The following FRMD6 variants were observed in gnomAD, a reference collection of about 807,000 sequenced individuals.
FRMD6 encodes the protein FERM domain-containing protein 6.
Under a neutral mutation model 73.2 loss-of-function variants are expected in FRMD6, and 37 were observed. That is an observed-to-expected ratio of 0.51 (90% CI 0.39 to 0.66). FRMD6 has a LOEUF of 0.66. Among genes scored for constraint, FRMD6 ranks in the 30% least tolerant of loss-of-function variants. The pLI is 0.00. For missense variants in FRMD6, 714 were observed against 780.5 expected, an observed-to-expected ratio of 0.91 and a Z score of 1.02; for synonymous variants, 273 against 282.2, an observed-to-expected ratio of 0.97 and a Z score of 0.33.
chr14:51,605,158 T>A (rs933256237), intron 2 of FRMD6, among the ~76,000 whole-genome samples: 17 of 134,094 alleles, frequency 1.3e-4, no homozygotes, highest in African/African-American at 3.4e-4. Flanking sequence ...TTTTTTTTTT[T>A]ATTGATCATT....
intron 2 of FRMD6, among the ~76,000 whole-genome samples, chr14:51,638,598 G>T (rs531100712): frequency 6.6e-6 from 1 of 152,302 alleles, no homozygotes; most frequent in Admixed American, 6.5e-5. Context: ...CTCCCCATTT[G>T]TGACCCAGAT....
At chr14:51,545,040 G>C (rs1886394444) in intron 1 of FRMD6, among the ~76,000 whole-genome samples, 1 of 152,050 alleles carries the variant, frequency 6.6e-6, no homozygotes, top group African/African-American at 2.4e-5. Flanking sequence ...ATTAGGAAGG[G>C]TTTGGGGCTG....
chr14:51,547,812 T>C (rs1408334845), intron 1 of FRMD6: 2 of 151,656 alleles, frequency 1.3e-5, no homozygotes, highest in African/African-American at 4.9e-5. Flanking sequence ...AGGAGACACA[T>C]CTGTAAGTAT....
At chr14:51,453,088 G>T in the FRMD6 span, among the ~76,000 whole-genome samples, 1 of 152,030 alleles carries the variant, frequency 6.6e-6, no homozygotes, top group African/African-American at 2.4e-5. Context: ...GTAAAGTTAA[G>T]GGGCAGTAAT....
chr14:51,585,939 G>GTGTGTGTGTATATATATATA lies in FRMD6; in HGVS notation c.-147+15530_-147+15531insGTGTGTGTATATATATATAT. ...TGCCATGGCATGTGTGTGTGTGTGTGTATATATATATATATATATATAACA... is the reference window on the plus strand; with the variant it reads ...TGCCATGGCATGTGTGTGTGTGTGTGTGTGTGTGTATATATATATATATATATATATATATATATATAACA... On this transcript the variant is annotated intron_variant, in intron 2 of 14. Transcript: ENST00000356218. Among the ~76,000 whole-genome samples the GTGTGTGTGTATATATATATA allele has an allele frequency of 3.3e-3, 103 of 31,400 alleles. 3 individuals carry two copies. The highest frequency in any genetic ancestry group is 6.7e-3 in the African/African-American group (98 of 14,620). The allele number at this position is 31,400 out of a possible 152,430, so 20.6% of individuals were successfully genotyped here.
At chr14:51,516,529 T>C (rs911331454) in intron 1 of FRMD6, among the ~76,000 whole-genome samples, 1 of 152,194 alleles carries the variant, frequency 6.6e-6, no homozygotes, top group Non-Finnish European at 1.5e-5. Flanking sequence ...TGCACATGTG[T>C]GTATCTTTCA....
rs1421576237 is a variant in FRMD6 at position 51,704,945 on chromosome 14, G to A, written c.558+10G>A. On this transcript the variant is annotated intron_variant, in intron 6 of 13. Coordinates refer to ENST00000344768, the MANE Select transcript of FRMD6 (RefSeq NM_001267046.2). ...TTACTTCCCATCTTGGGTAAGCACT[G>A]TTTTCAAATTCGAAAGAGTGTTTTC... 6.3e-7 allele frequency: 1 copy of A among 1,589,568 alleles called. No individual in the cohort carries two copies. Among genetic ancestry groups the A allele is most frequent in the East Asian group, 2.3e-5 (1 of 44,302 alleles).
At chr14:51,604,072 T>C (rs1890148146) in intron 2 of FRMD6, among the ~76,000 whole-genome samples, 1 of 152,102 alleles carries the variant, frequency 6.6e-6, no homozygotes, top group Admixed American at 6.6e-5. Context: ...AATGGAGCAG[T>C]TCAGAAGAGC....
intron 2 of FRMD6, among the ~76,000 whole-genome samples, chr14:51,695,677 C>T (rs555773335): frequency 6.6e-6 from 1 of 152,276 alleles, no homozygotes; most frequent in East Asian, 1.9e-4. Flanking sequence ...TACTGAGTGC[C>T]TACTATAGAT....
Position 51,490,176 on chromosome 14 carries a change from A to T in FRMD6, c.-210+756A>T, listed in dbSNP as rs113817113. ...TGTGATAGAAGGAAGTGATAAAGGG[A>T]ATATGGAGAAGAACAAAGTGGAGTT... is the stretch of plus-strand genomic sequence containing the variant. On this transcript the variant is annotated intron_variant, in intron 1 of 14. Transcript: ENST00000356218. Among the ~76,000 whole-genome samples, 116 of 152,322 alleles carry T rather than the reference A, an allele frequency of 7.6e-4. 1 individual carries two copies. The highest frequency in any genetic ancestry group is 4.3e-3 in the South Asian group (21 of 4,830).
chr14:51,547,580 T>C (rs1270202444), intron 1 of FRMD6: 3 of 152,202 alleles, frequency 2.0e-5, no homozygotes, highest in African/African-American at 7.2e-5. Flanking sequence ...GTGATGTATA[T>C]TGAGAGCCCT....
At chr14:51,416,633 A>G in the FRMD6 span, among the ~76,000 whole-genome samples, 1 of 152,132 alleles carries the variant, frequency 6.6e-6, no homozygotes, top group Non-Finnish European at 1.5e-5. Context: ...TATTCTGTTG[A>G]TTTGGGGTGG....
At chr14:51,462,949 T>C in the FRMD6 span, among the ~76,000 whole-genome samples, 2 of 152,340 alleles carry the variant, frequency 1.3e-5, no homozygotes, top group East Asian at 3.9e-4. Flanking sequence ...GGTGGCTTCA[T>C]TTCCTTGTCT....
intron 1 of FRMD6, among the ~76,000 whole-genome samples, chr14:51,512,877 C>A (rs1334649888): frequency 6.6e-6 from 1 of 152,168 alleles, no homozygotes; most frequent in African/African-American, 2.4e-5. Context: ...CCTGGATGTA[C>A]TGGCCATGGC....
At chr14:51,586,055 G>T (rs1889034129) in intron 2 of FRMD6, among the ~76,000 whole-genome samples, 1 of 149,838 alleles carries the variant, frequency 6.7e-6, no homozygotes, top group Non-Finnish European at 1.5e-5. Context: ...TACAATGCAG[G>T]TGTCTTTTTG....
the FRMD6 span, among the ~76,000 whole-genome samples, chr14:51,412,517 G>C: frequency 1.2e-4 from 19 of 152,256 alleles, no homozygotes; most frequent in Middle Eastern, 3.4e-3. Context: ...AGTCATTCAT[G>C]CTTTTGTCTG....
At chr14:51,590,094 G>A (rs1462495031) in intron 2 of FRMD6, among the ~76,000 whole-genome samples, 10 of 149,706 alleles carry the variant, frequency 6.7e-5, no homozygotes, top group Admixed American at 6.0e-4. Context: ...AATCAGGTAA[G>A]TGAGAATTTT....
chr14:51,674,689 G>C (rs1894260520), intron 1 of FRMD6, among the ~76,000 whole-genome samples: 1 of 152,054 alleles, frequency 6.6e-6, no homozygotes. Context: ...AGGGTAAGGT[G>C]TAATTCTGGT....
At chr14:51,490,219 T>C (rs1188565419) in intron 1 of FRMD6, among the ~76,000 whole-genome samples, 2 of 152,200 alleles carry the variant, frequency 1.3e-5, no homozygotes. Flanking sequence ...AATTTCTAGG[T>C]CTACTTTTAA....
Sources: gnomAD v4.1 joint callset for allele counts (sites outside exome capture counted in the v4.1 genomes callset) on GRCh38, gnomAD v4.1.1 for gene constraint, MANE v1.5 for transcripts, NCBI Gene and HGNC (gene_info 2026-07-23, HGNC 2026-07-21) for gene names.